The following THSD4 variants were observed in gnomAD, a reference collection of about 807,000 sequenced individuals.
The protein encoded by THSD4 is thrombospondin type 1 domain containing 4.
In THSD4, 69 loss-of-function variants were observed where a neutral mutation model predicts 119.0. The ratio of observed to expected loss-of-function variants is 0.58; its 90% CI spans 0.48 to 0.71. The LOEUF (loss-of-function observed/expected upper bound fraction) is 0.71. Ranked by LOEUF, THSD4 falls within the 30% of genes least tolerant of loss-of-function variation. The pLI, the probability that THSD4 is intolerant of heterozygous loss-of-function variation, is 0.00. For missense variants in THSD4, 1,393 were observed against 1,391.1 expected, an observed-to-expected ratio of 1.00 and a Z score of -0.02; for synonymous variants, 524 against 540.4, an observed-to-expected ratio of 0.97 and a Z score of 0.42.
Position 71,516,381 on chromosome 15 carries a change from C to G in THSD4, c.1152+104558C>G, listed in dbSNP as rs188210980. Among the ~76,000 whole-genome samples the G allele has an allele frequency of 4.4e-4, 67 of 152,238 alleles. 1 individual carries two copies. The highest frequency in any genetic ancestry group is 1.6e-3 in the African/African-American group (66 of 41,552). On this transcript the variant is annotated intron_variant, in intron 7 of 17. Transcript: ENST00000261862. ...GGCCCAATCACCTCTGCAACAACCT[C>G]ACGGCTTGGCTTAAAATACCGTAAA...
intron 7 of THSD4, among the ~76,000 whole-genome samples, chr15:71,412,395 TG>T (rs2046701984): frequency 6.6e-6 from 1 of 152,216 alleles, no homozygotes; most frequent in African/African-American, 2.4e-5. Flanking sequence ...AGAATCCTTG[TG>T]GGATGCTCAG....
chr15:71,501,094 T>A (rs1008841671), intron 7 of THSD4, among the ~76,000 whole-genome samples: 8 of 152,232 alleles, frequency 5.3e-5, no homozygotes, highest in Admixed American at 4.6e-4. Context: ...CAATATTAAG[T>A]GTTCTAATCC....
chr15:71,166,648 C>T (rs994585075), intron 3 of THSD4, among the ~76,000 whole-genome samples: 52 of 152,118 alleles, frequency 3.4e-4, no homozygotes, highest in African/African-American at 1.2e-3. Context: ...CTCTGTGGTG[C>T]TATCCTGGGC....
intron 6 of THSD4, among the ~76,000 whole-genome samples, chr15:71,308,199 A>C (rs1489110843): frequency 1.3e-5 from 2 of 152,216 alleles, no homozygotes; most frequent in African/African-American, 4.8e-5. Flanking sequence ...GTTACCTCCC[A>C]GGAGCCTCCA....
At chr15:71,715,727 G>A (rs560750705) in intron 8 of THSD4, among the ~76,000 whole-genome samples, 4 of 150,940 alleles carry the variant, frequency 2.7e-5, no homozygotes, top group Admixed American at 2.6e-4. Flanking sequence ...CGACGTCATC[G>A]CAATTTAGTC....
intron 6 of THSD4, among the ~76,000 whole-genome samples, chr15:71,318,776 C>A (rs2045225540): frequency 6.6e-6 from 1 of 152,152 alleles, no homozygotes; most frequent in African/African-American, 2.4e-5. Flanking sequence ...GGAGCACAGA[C>A]ACCCAGGTTA....
intron 6 of THSD4, among the ~76,000 whole-genome samples, chr15:71,373,799 C>T (rs1368762116): frequency 6.6e-6 from 1 of 152,198 alleles, no homozygotes; most frequent in African/African-American, 2.4e-5. Flanking sequence ...CTGAAGGTCA[C>T]AGGCAGTTCA....
rs1049592267 is a variant in THSD4, at chr15:71,490,145, GCC to G, written c.1152+78323_1152+78324del. Among the ~76,000 whole-genome samples the G allele has an allele frequency of 4.6e-5, 7 of 152,080 alleles. 1 individual carries two copies. On this transcript the variant is annotated intron_variant, in intron 7 of 17. Coordinates refer to ENST00000261862, the MANE Select transcript of THSD4 (RefSeq NM_024817.3). ...GTGATTCTACTTTTAAAAATTATAG[GCC>G]AGGTGTGGTGGCTCACACCTCTAAT... is the stretch of plus-strand genomic sequence containing the variant.
At position 71,731,111 on chromosome 15, in the gene THSD4, G is replaced by C; in HGVS notation, c.1534-10G>C. ...GCCAAGTGCGGTAACACTGATTTTT[G>C]TGTCAGCAGATGATACACCAGCAGC... On this transcript the variant is annotated splice_polypyrimidine_tract_variant and intron_variant, in intron 9 of 17. Transcript: ENST00000261862. 1 of 1,614,016 alleles carries C rather than the reference G, an allele frequency of 6.2e-7. No homozygotes were observed. Among genetic ancestry groups the C allele is most frequent in the East Asian group, 2.2e-5 (1 of 44,870 alleles).
At chr15:71,531,498 C>A (rs918890480) in intron 7 of THSD4, among the ~76,000 whole-genome samples, 1 of 152,190 alleles carries the variant, frequency 6.6e-6, no homozygotes, top group Admixed American at 6.5e-5. Context: ...CAGTAAGATT[C>A]TTCTACTGCA....
intron 13 of THSD4, among the ~76,000 whole-genome samples, chr15:71,747,616 A>G (rs2053364934): frequency 6.6e-6 from 1 of 152,232 alleles, no homozygotes; most frequent in Non-Finnish European, 1.5e-5. Flanking sequence ...TGGAGGGTAC[A>G]GCACAGAGGT....
Position 71,762,777 on chromosome 15 carries a change from G to GT in THSD4, c.2590-2234dup, listed in dbSNP as rs536526738. ...GAGAAACAGAGTGGGAAATCTTATA[G>GT]TTTTTTTTTGGCTGGGCACAGTGGC... On this transcript the variant is annotated intron_variant, in intron 15 of 17. Coordinates refer to ENST00000261862, the MANE Select transcript of THSD4 (RefSeq NM_024817.3). 1.3e-3 allele frequency among the ~76,000 whole-genome samples: 191 copies of GT among 151,668 alleles called. 1 individual carries two copies. The highest frequency in any genetic ancestry group is 9.4e-3 in the South Asian group (45 of 4,796).
rs567736092 is a variant in THSD4 at position 71,606,763 on chromosome 15, C to G, written c.1153-53767C>G. Among the ~76,000 whole-genome samples, 12 of 152,292 alleles carry G rather than the reference C, an allele frequency of 7.9e-5. 1 individual carries two copies. The South Asian group carries it at 2.5e-3, about 32-fold the overall frequency. ...CCTTGTTGGTTAGGCTGGTTTCAAA[C>G]TCCCGACCTCAGGTGATCCACCTGC... On this transcript the variant is annotated intron_variant, in intron 7 of 17. Coordinates refer to ENST00000261862, the MANE Select transcript of THSD4 (RefSeq NM_024817.3).
At chr15:71,205,706 G>C (rs191643007) in intron 3 of THSD4, among the ~76,000 whole-genome samples, 2 of 152,196 alleles carry the variant, frequency 1.3e-5, no homozygotes, top group African/African-American at 4.8e-5. Flanking sequence ...GCAGCTGCTG[G>C]CATTAACACG....
At chr15:71,133,943 C>T (rs982155204) in intron 1 of THSD4, among the ~76,000 whole-genome samples, 18 of 152,288 alleles carry the variant, frequency 1.2e-4, no homozygotes, top group African/African-American at 3.9e-4. Context: ...CGGAGAAGCA[C>T]GGTGTTTTCC....
chr15:71,456,092 T>C (rs1335460154), intron 7 of THSD4, among the ~76,000 whole-genome samples: 1 of 152,210 alleles, frequency 6.6e-6, no homozygotes, highest in African/African-American at 2.4e-5. Context: ...TATTTTGCGG[T>C]GTTTGCTTTG....
intron 7 of THSD4, among the ~76,000 whole-genome samples, chr15:71,564,251 G>A (rs2049180610): frequency 6.6e-6 from 1 of 152,164 alleles, no homozygotes; most frequent in Non-Finnish European, 1.5e-5. Context: ...CCCACTCCTA[G>A]AAGCCCTTCA....
chr15:71,266,463 A>G (rs1159355169), intron 6 of THSD4, among the ~76,000 whole-genome samples: 1 of 152,154 alleles, frequency 6.6e-6, no homozygotes, highest in Non-Finnish European at 1.5e-5. Context: ...AAGGTCACCA[A>G]CATCAAAGAA....
chr15:71,252,866 T>TATC (rs56093539), intron 5 of THSD4, among the ~76,000 whole-genome samples: 31,843 of 151,152 alleles, frequency 0.21, 3,803 homozygotes, highest in Middle Eastern at 0.37. Context: ...AAAAGTTAGG[T>TATC]ATCATCATCA....
Sources: gnomAD v4.1 joint callset for allele counts (sites outside exome capture counted in the v4.1 genomes callset) on GRCh38, gnomAD v4.1.1 for gene constraint, MANE v1.5 for transcripts, NCBI Gene and HGNC (gene_info 2026-07-23, HGNC 2026-07-21) for gene names.